AGBL1: variants seen among roughly 807,000 people sequenced by gnomAD.
AGBL1 encodes the protein cytosolic carboxypeptidase 4.
In AGBL1, 130 loss-of-function variants were observed where a neutral mutation model predicts 118.9. The observed-to-expected ratio is 1.09, with a 90% CI of 0.95 to 1.26. The LOEUF is 1.26. AGBL1 is among the 50% of genes most tolerant of loss of function. The pLI, the probability that AGBL1 is intolerant of heterozygous loss-of-function variation, is 0.00. For missense variants in AGBL1, 1,584 were observed against 1,298.1 expected (o/e 1.22, Z -3.38); for synonymous variants, 555 against 478.9 (o/e 1.16, Z -2.08).
At chr15:86,257,915 C>G (rs2078922224) in intron 8 of AGBL1, 49 bp from the exon 9 acceptor site, 6 of 1,583,802 alleles carry the variant, frequency 3.8e-6, no homozygotes, top group Non-Finnish European at 5.2e-6. Flanking sequence ...ATCCTAAATC[C>G]CGGGCAAAGG....
chr15:86,967,480 A>G (rs925512190), intron 23 of AGBL1, among the ~76,000 whole-genome samples: 10 of 152,088 alleles, frequency 6.6e-5, no homozygotes, highest in African/African-American at 2.2e-4. Context: ...TAAGTCCTTA[A>G]TCCATCTTGA....
chr15:86,183,918 A>G (rs1225659526), intron 5 of AGBL1, among the ~76,000 whole-genome samples: 1 of 152,222 alleles, frequency 6.6e-6, no homozygotes, highest in African/African-American at 2.4e-5. Flanking sequence ...AATGAGGCAG[A>G]GAAACATGAG....
At chr15:86,599,711 C>G (rs920847531) in intron 21 of AGBL1, among the ~76,000 whole-genome samples, 1 of 152,056 alleles carries the variant, frequency 6.6e-6, no homozygotes, top group Non-Finnish European at 1.5e-5. Context: ...ACCCAATATC[C>G]AAATTCTTAT....
intron 17 of AGBL1, among the ~76,000 whole-genome samples, chr15:86,360,578 CT>C (rs1458492990): frequency 6.6e-6 from 1 of 151,816 alleles, no homozygotes; most frequent in Non-Finnish European, 1.5e-5. Flanking sequence ...GTGTGCTCTC[CT>C]TTTATCTTTT....
intron 5 of AGBL1, among the ~76,000 whole-genome samples, chr15:86,218,721 T>A (rs1262492336): frequency 1.3e-5 from 2 of 152,226 alleles, no homozygotes; most frequent in Non-Finnish European, 2.9e-5. Flanking sequence ...TTGTAGAAAC[T>A]GCAGGTAGCC....
chr15:86,494,211 G>A (rs2082818792), intron 18 of AGBL1, among the ~76,000 whole-genome samples: 1 of 152,000 alleles, frequency 6.6e-6, no homozygotes, highest in Admixed American at 6.6e-5. Context: ...TTTATTATGT[G>A]GTTAATATGA....
At chr15:86,146,077 C>T (rs2077029851) in intron 3 of AGBL1, among the ~76,000 whole-genome samples, 1 of 152,026 alleles carries the variant, frequency 6.6e-6, no homozygotes, top group African/African-American at 2.4e-5. Flanking sequence ...TCAGGCCTGG[C>T]CCTGACACTT....
intron 22 of AGBL1, among the ~76,000 whole-genome samples, chr15:86,809,773 G>A (rs984953521): frequency 2.6e-5 from 4 of 152,030 alleles, no homozygotes; most frequent in African/African-American, 9.7e-5. Flanking sequence ...TATTATTTTG[G>A]TAGATCACAC....
intron 1 of AGBL1, among the ~76,000 whole-genome samples, chr15:86,122,695 A>C (rs1018670854): frequency 6.6e-6 from 1 of 152,226 alleles, no homozygotes; most frequent in Non-Finnish European, 1.5e-5. Context: ...TGTGAAAAAA[A>C]GGTGTAAACC....
intron 22 of AGBL1, among the ~76,000 whole-genome samples, chr15:86,897,763 T>C (rs977574381): frequency 4.0e-5 from 5 of 124,190 alleles, no homozygotes; most frequent in Non-Finnish European, 8.6e-5. Context: ...TCATCTTTTA[T>C]CTTTTTTTTT....
chr15:86,607,240 C>A (rs111245081), intron 21 of AGBL1, among the ~76,000 whole-genome samples: 1 of 152,186 alleles, frequency 6.6e-6, no homozygotes, highest in South Asian at 2.1e-4. Context: ...TGCTTCCAAG[C>A]TTTAGCTATC....
chr15:86,869,831 T>C (rs77191035), intron 22 of AGBL1, among the ~76,000 whole-genome samples: 7,800 of 152,244 alleles, frequency 0.051, 244 homozygotes, highest in South Asian at 0.096. Context: ...TCTCTTGAGA[T>C]CCTTTCTACC....
intron 22 of AGBL1, among the ~76,000 whole-genome samples, chr15:86,841,197 C>A (rs1164258798): frequency 6.6e-6 from 1 of 152,112 alleles, no homozygotes; most frequent in East Asian, 1.9e-4. Context: ...AGAAAGATGG[C>A]AGTTGACCAA....
Position 86,724,311 on chromosome 15 carries a change from C to T in AGBL1, c.3158+49875C>T, listed in dbSNP as rs540260982. Among the ~76,000 whole-genome samples, 51 of 150,024 alleles carry T rather than the reference C, an allele frequency of 3.4e-4. No individual in the cohort carries two copies. In the South Asian group the frequency reaches 5.5e-3, roughly 16 times the overall value. On this transcript the variant is annotated intron_variant, in intron 22 of 22. Coordinates refer to ENST00000614907, the MANE Select transcript of AGBL1 (RefSeq NM_001386094.1). ...GGCTAAAAATCAATGACAAGAACAT[C>T]GGCAATAAGGAAACCAAGGAATAGA...
At position 86,257,970 on chromosome 15, in the gene AGBL1, T is replaced by C. The variant is rs773077463; in HGVS notation, c.908T>C (p.Phe303Ser). The change falls in exon 9 of 23, where the codon TTT (phenylalanine) becomes TCT (serine). Residue 303 changes from phenylalanine to serine, a missense_variant. Coordinates refer to ENST00000614907, the MANE Select transcript of AGBL1 (RefSeq NM_001386094.1). ...EPPHDLPEED[F>S]EDDGDDEVDK... Reference sequence around the variant, plus strand: ...CCTCTTTTTCCCCATCCAGAGGATTTTGAAGATGATGGCGATGATGAAGTG... The same window carrying C: ...CCTCTTTTTCCCCATCCAGAGGATTCTGAAGATGATGGCGATGATGAAGTG... 82 of 1,613,456 alleles carry C rather than the reference T, an allele frequency of 5.1e-5. No individual in the cohort carries two copies. The highest frequency in any genetic ancestry group is 6.4e-5 in the Non-Finnish European group (76 of 1,179,762).
chr15:86,511,109 G>C (rs1016931444), intron 18 of AGBL1, among the ~76,000 whole-genome samples: 1 of 152,070 alleles, frequency 6.6e-6, no homozygotes, highest in African/African-American at 2.4e-5. Context: ...AGTGAATAAA[G>C]TGTTTTTATA....
intron 20 of AGBL1, among the ~76,000 whole-genome samples, chr15:86,553,866 C>CT (rs10708716): frequency 2.5e-4 from 38 of 149,036 alleles, no homozygotes; most frequent in African/African-American, 4.7e-4. Context: ...TTATTTCTAA[C>CT]TTTTTTTTTT....
intron 5 of AGBL1, among the ~76,000 whole-genome samples, chr15:86,184,307 A>G (rs985073170): frequency 1.3e-5 from 2 of 152,300 alleles, no homozygotes; most frequent in East Asian, 3.9e-4. Context: ...ATTAGTCATA[A>G]GGTCCATAGT....
chr15:86,997,376 C>T (rs1209092717), intron 24 of AGBL1, among the ~76,000 whole-genome samples: 3 of 152,170 alleles, frequency 2.0e-5, no homozygotes, highest in African/African-American at 2.4e-5. Context: ...ATCTCTCTCC[C>T]TGAAGTATAC....
Sources: allele counts gnomAD v4.1 joint callset (sites outside exome capture counted in the v4.1 genomes callset), GRCh38; gene constraint gnomAD v4.1.1; transcripts MANE v1.5; gene names NCBI Gene and HGNC (gene_info 2026-07-23, HGNC 2026-07-21).